Variants in HOGA1 observed in about 807,000 individuals in gnomAD.
HOGA1 encodes the protein 4-hydroxy-2-oxoglutarate aldolase, mitochondrial.
A neutral mutation model predicts 34.3 loss-of-function variants in HOGA1; 30 were observed. The ratio of observed to expected loss-of-function variants is 0.87; its 90% CI spans 0.65 to 1.19. HOGA1 has a LOEUF of 1.19. Among genes scored for constraint, HOGA1 ranks in the 50% most tolerant of loss-of-function variants. The pLI, the probability that HOGA1 is intolerant of heterozygous loss-of-function variation, is 0.00. For synonymous variants in HOGA1, 161 were observed against 174.0 expected, an observed-to-expected ratio of 0.93 and a Z score of 0.59; for missense variants, 417 against 436.5, an observed-to-expected ratio of 0.96 and a Z score of 0.40.
chr10:97,606,251 A>G (rs939651208), intron 6 of HOGA1, among the ~76,000 whole-genome samples: 2 of 151,426 alleles, frequency 1.3e-5, no homozygotes, highest in African/African-American at 4.9e-5. Context: ...CAGTGAGCCG[A>G]GATCATGCCA....
chr10:97,594,168 CTTTTTTTTTTTTTTTTTT>C (rs71007354), intron 1 of HOGA1, among the ~76,000 whole-genome samples: 1 of 43,432 alleles, frequency 2.3e-5, no homozygotes, highest in Non-Finnish European at 3.9e-5. Flanking sequence ...TGCGCCTGGT[CTTTTTTTTTTTTTTTTTT>C]TTTTTTTGAG....
intron 1 of HOGA1, among the ~76,000 whole-genome samples, chr10:97,588,188 GT>G (rs1390022008): frequency 2.1e-5 from 3 of 140,404 alleles, no homozygotes; most frequent in Non-Finnish European, 4.6e-5. Flanking sequence ...TATTCTTTTT[GT>G]TTTTTCTTTC....
Position 97,611,949 on chromosome 10 carries a change from G to A in HOGA1, c.*290G>A, listed in dbSNP as rs144890621. The A allele has an allele frequency of 1.8e-4, 76 of 429,752 alleles. No individual in the cohort carries two copies. In the East Asian group the frequency reaches 2.8e-3, roughly 16 times the overall value. 26.6% of individuals were successfully genotyped at this position (429,752 alleles called of 1,614,324 possible). The stretch of plus-strand genomic sequence containing the variant: ...CTTTCTACTGTGGATGCTTTCCTAC[G>A]CCCTGAGGCACATGAAGTCAGAAAG... On this transcript the variant is annotated 3_prime_UTR_variant, in exon 7 of 7. Coordinates refer to ENST00000370646, the MANE Select transcript of HOGA1 (RefSeq NM_138413.4).
Position 97,611,595 on chromosome 10 carries a change from A to T in HOGA1, c.920A>T (p.Gln307Leu). The T allele has an allele frequency of 6.2e-7, 1 of 1,614,234 alleles. No individual in the cohort carries two copies. The highest frequency in any genetic ancestry group is 1.7e-5 in the Admixed American group (1 of 60,034). The change falls in exon 7 of 7, where the codon CAG becomes CTG. Residue 307 changes from glutamine (Q) to leucine (L), a missense_variant. By Grantham distance (113) the Gln-to-Leu change is moderately radical. Transcript: ENST00000370646. Reference protein sequence around the residue: ...YYGGPCRAPLQELSPAEEEAL... With the variant: ...YYGGPCRAPLLELSPAEEEAL... ...GGAGGCCCCTGCCGCGCCCCCTTGC[A>T]GGAGCTGAGCCCCGCTGAGGAGGAG... is the stretch of plus-strand genomic sequence containing the variant.
chr10:97,602,278 T>C (rs2041125155), intron 6 of HOGA1: 5 of 1,375,070 alleles, frequency 3.6e-6, no homozygotes, highest in Admixed American at 4.5e-5. Flanking sequence ...ACAAACATCC[T>C]GTGTGATTGT....
chr10:97,601,260 A>G (rs959259153), intron 5 of HOGA1, among the ~76,000 whole-genome samples: 1 of 152,202 alleles, frequency 6.6e-6, no homozygotes, highest in African/African-American at 2.4e-5. Flanking sequence ...ACAGGCTTGC[A>G]GAAGTGGCGG....
In HOGA1 at chr10:97,603,192, C is replaced by T. The variant is rs867298596; in HGVS notation, c.834+1202C>T. Among the ~76,000 whole-genome samples, 4 of 151,740 alleles carry T rather than the reference C, an allele frequency of 2.6e-5. No individual in the cohort carries two copies. Among genetic ancestry groups the T allele is most frequent in the Admixed American group, 1.3e-4 (2 of 15,232 alleles). On this transcript the variant is annotated intron_variant, in intron 6 of 6. Transcript: ENST00000370646. The surrounding 1 kb of genome is among the most constrained non-coding windows in gnomAD (Gnocchi z 4.5). Reference sequence around the variant, plus strand: ...AATTTTTTTGTATTTTTAGTAGAGACGGGGTTTCACCATGTTGGCCAGGCT... The same window carrying T: ...AATTTTTTTGTATTTTTAGTAGAGATGGGGTTTCACCATGTTGGCCAGGCT...
At chr10:97,585,987 A>C (rs1353972362) in intron 1 of HOGA1, among the ~76,000 whole-genome samples, 1 of 152,120 alleles carries the variant, frequency 6.6e-6, no homozygotes, top group African/African-American at 2.4e-5. Context: ...AAATGCAAAA[A>C]TTAGCTGGGC....
chr10:97,602,534 G>T (rs1000038934), intron 6 of HOGA1: 22 of 985,262 alleles, frequency 2.2e-5, no homozygotes, highest in Non-Finnish European at 2.4e-6. Context: ...CAAGTTCAGG[G>T]TCATTCTGAA....
intron 3 of HOGA1, 144 bp downstream of exon 3, chr10:97,599,360 A>T: frequency 1.0e-6 from 1 of 976,904 alleles, no homozygotes; most frequent in Non-Finnish European, 1.6e-6. Context: ...CGACATTGGG[A>T]GGCTTACCTG....
intron 6 of HOGA1, among the ~76,000 whole-genome samples, chr10:97,608,581 G>T (rs568806901): frequency 6.6e-6 from 1 of 152,300 alleles, no homozygotes; most frequent in South Asian, 2.1e-4. Context: ...GAGGCAGGCA[G>T]ATCGCCTGAG....
At chr10:97,598,693 A>G (rs749126626) in intron 1 of HOGA1, 82 bp from the exon 2 acceptor site, 1 of 1,515,976 alleles carries the variant, frequency 6.6e-7, no homozygotes, top group African/African-American at 1.4e-5. Flanking sequence ...GTGAAAGATT[A>G]TGGTGTCGTA....
At chr10:97,599,842 G>T in intron 4 of HOGA1, 28 bp downstream of exon 4, 5 of 1,614,110 alleles carry the variant, frequency 3.1e-6, no homozygotes, top group South Asian at 1.1e-5. Flanking sequence ...CGGGGCTGGG[G>T]TCCTCTCCTC....
chr10:97,588,568 A>C (rs1260008770), intron 1 of HOGA1, among the ~76,000 whole-genome samples: 1 of 152,206 alleles, frequency 6.6e-6, no homozygotes, highest in Non-Finnish European at 1.5e-5. Flanking sequence ...TCATTACAGA[A>C]GGGCTCTATG....
chr10:97,590,300 G>A, intron 1 of HOGA1: 1 of 1,613,790 alleles, frequency 6.2e-7, no homozygotes. Flanking sequence ...CAAGGAGATT[G>A]ACACCCAGGG....
chr10:97,596,011 A>C (rs2135719493), intron 1 of HOGA1, among the ~76,000 whole-genome samples: 1 of 152,314 alleles, frequency 6.6e-6, no homozygotes, highest in East Asian at 1.9e-4. Flanking sequence ...CAGTCCTATA[A>C]GCTAGGATTG....
At chr10:97,585,194 G>A (rs1589899559) in intron 1 of HOGA1, among the ~76,000 whole-genome samples, 1 of 152,214 alleles carries the variant, frequency 6.6e-6, no homozygotes, top group East Asian at 1.9e-4. Flanking sequence ...TGATTCTGAG[G>A]TTGGACTGGA....
chr10:97,594,355 A>T (rs559501368), intron 1 of HOGA1, among the ~76,000 whole-genome samples: 13 of 148,278 alleles, frequency 8.8e-5, no homozygotes, highest in South Asian at 6.5e-4. Flanking sequence ...TTTGATTTTT[A>T]ATTTTTTTTA....
Position 97,584,741 on chromosome 10 carries a change from G to A in HOGA1, c.38G>A (p.Gly13Glu), listed in dbSNP as rs1056874645. 1.9e-6 allele frequency: 3 copies of A among 1,612,724 alleles called. No homozygotes were observed. Among genetic ancestry groups the A allele is most frequent in the Admixed American group, 1.7e-5 (1 of 59,924 alleles). The part of the protein sequence containing the change: ...GPQVWSSVRQ[G>E]LSRSLSRNVG... ...CAAGTCTGGTCTTCTGTGAGGCAGG[G>A]GCTAAGCAGGAGCTTGTCCAGGAAT... Residue 13 changes from glycine to glutamate, a missense_variant, in exon 1 of 7, where the codon GGG becomes GAG. Physicochemically the swap from Gly to Glu is moderately conservative, Grantham distance 98. Transcript: ENST00000370646.
Sources: allele counts gnomAD v4.1 joint callset (sites outside exome capture counted in the v4.1 genomes callset), GRCh38; gene constraint gnomAD v4.1.1; non-coding constraint Gnocchi (gnomAD v3.1); transcripts MANE v1.5; gene names NCBI Gene and HGNC (gene_info 2026-07-23, HGNC 2026-07-21).